The following NANOG variants were observed in gnomAD, a reference collection of about 807,000 sequenced individuals.
NANOG encodes the protein Nanog homeobox.
A neutral mutation model predicts 17.7 loss-of-function variants in NANOG; 2 were observed. The ratio of observed to expected loss-of-function variants is 0.11; its 90% confidence interval spans 0.05 to 0.36. The LOEUF is 0.36. Ranked by LOEUF, NANOG falls within the 10% of genes least tolerant of loss-of-function variation. NANOG has a pLI of 1.00. For synonymous variants in NANOG, 81 were observed against 124.7 expected, an observed-to-expected ratio of 0.65 and a Z score of 2.33; for missense variants, 174 against 362.1, an observed-to-expected ratio of 0.48 and a Z score of 4.22.
At chr12:7,793,756 C>T (rs541965548) in intron 2 of NANOG, among the ~76,000 whole-genome samples, 2 of 152,218 alleles carry the variant, frequency 1.3e-5, no homozygotes, top group East Asian at 3.9e-4. Context: ...GGCTGGAGTG[C>T]AGTGGCCTCA....
chr12:7,795,041 A>G lies in NANOG; in HGVS notation c.864A>G (p.Gln288=). 4 of 1,306,824 alleles carry G rather than the reference A, an allele frequency of 3.1e-6. No individual in the cohort carries two copies. The highest frequency in any genetic ancestry group is 4.4e-6 in the Non-Finnish European group (4 of 915,414). The allele number at this position is 1,306,824 out of a possible 1,614,324, so 81.0% of individuals were successfully genotyped here. The change falls in exon 4 of 4, where the codon CAA becomes CAG. Residue 288 remains glutamine, a synonymous_variant. Transcript: ENST00000229307. The stretch of plus-strand genomic sequence containing the variant: ...CCACTAGGTATTTTAGTACTCCACA[A>G]ACCATGGATTTATTCCTAAACTACT... ...QQTTRYFSTP[Q]TMDLFLNYSM... is the part of the protein sequence containing the mutation.
chr12:7,791,224 CT>C (rs756220813), intron 1 of NANOG, among the ~76,000 whole-genome samples: 166 of 151,456 alleles, frequency 1.1e-3, no homozygotes, highest in African/African-American at 3.8e-3. Flanking sequence ...TTTCTCCTGT[CT>C]CAGTCTCTCG....
rs915558913 is a variant in NANOG, at chr12:7,797,561, T to G, written c.*2466T>G. On this transcript the variant is annotated 3_prime_UTR_variant, in exon 4 of 4. Transcript: ENST00000229307. ...TAGTAGAGATGGGGTTTCACCGTAT[T>G]GACCAGGCTGGTCTCGAACTCCTGA... The G allele has an allele frequency of 2.6e-5, 4 of 152,166 alleles. No individual in the cohort carries two copies. The highest frequency in any genetic ancestry group is 5.9e-5 in the Non-Finnish European group (4 of 68,112). The allele number at this position is 152,166 out of a possible 1,614,324, so 9.4% of individuals were successfully genotyped here. A position where few individuals can be genotyped will look rare whatever the true frequency, so the allele number is the denominator to read the frequency against.
intron 1 of NANOG, among the ~76,000 whole-genome samples, chr12:7,791,961 C>T (rs902421313): frequency 1.8e-4 from 27 of 152,170 alleles, no homozygotes; most frequent in African/African-American, 4.1e-4. Context: ...CAGTGGCACT[C>T]TCGGCTTACT....
At chr12:7,794,126 T>G (rs10845891) in intron 2 of NANOG, among the ~76,000 whole-genome samples, 75,014 of 151,876 alleles carry the variant, frequency 0.49, 20,051 homozygotes, top group Non-Finnish European at 0.59. Flanking sequence ...GCAGCTGGAG[T>G]GCAGTGATGC....
chr12:7,792,492 C>A (rs1862854658), intron 1 of NANOG, among the ~76,000 whole-genome samples: 1 of 152,112 alleles, frequency 6.6e-6, no homozygotes, highest in South Asian at 2.1e-4. Context: ...TTGAGAAACC[C>A]TGTCTCTACT....
In NANOG at chr12:7,793,313, G is replaced by C. The variant is rs746481818; in HGVS notation, c.414+101G>C. ...ATGTAGATGTGTGTACTATGTGTCC[G>C]TACATCGCCTCTTGCAAATAATTTA... On this transcript the variant is annotated intron_variant, in intron 2 of 3. Transcript: ENST00000229307. 264 of 1,087,602 alleles carry C rather than the reference G, an allele frequency of 2.4e-4. 1 individual carries two copies. In the African/African-American group the frequency reaches 3.8e-3, roughly 16 times the overall value. 67.4% of individuals were successfully genotyped at this position (1,087,602 alleles called of 1,614,324 possible).
rs772287085 is a variant in NANOG, at chr12:7,793,261, T to A, written c.414+49T>A. On this transcript the variant is annotated intron_variant, in intron 2 of 3. Transcript: ENST00000229307. ...TAAGGTGAACAAAAATTGGACTAAT[T>A]TGCATGGCTAAGACCTCTGTGGATG... 4.4e-6 allele frequency: 7 copies of A among 1,589,712 alleles called. No individual in the cohort carries two copies. In the African/African-American group the frequency reaches 9.4e-5, roughly 21 times the overall value.
Position 7,790,822 on chromosome 12 carries a change from C to T in NANOG, c.151+1057C>T, listed in dbSNP as rs187972923. On this transcript the variant is annotated intron_variant, in intron 1 of 3. Transcript: ENST00000229307. ...GTGCAATGGTGTGATCATGGATCAC[C>T]GCAGCCTCAACCCTGAGATCAAGTG... 8.5e-5 allele frequency among the ~76,000 whole-genome samples: 13 copies of T among 152,182 alleles called. No homozygotes were observed. The East Asian group carries it at 9.7e-4, about 11-fold the overall frequency.
At position 7,789,438 on chromosome 12, in the gene NANOG, G is replaced by A. The variant is rs150329406; in HGVS notation, c.-177G>A. 8.8e-3 allele frequency: 5,369 copies of A among 610,590 alleles called. 156 individuals are homozygous for A. The highest frequency in any genetic ancestry group is 0.082 in the African/African-American group (4,443 of 54,020). The allele number at this position is 610,590 out of a possible 1,614,324, so 37.8% of individuals were successfully genotyped here. A position where few individuals can be genotyped will look rare whatever the true frequency, so the allele number is the denominator to read the frequency against. The stretch of plus-strand genomic sequence containing the variant: ...GACTCCAGGATTTTAACGTTCTGCT[G>A]GACTGAGCTGGTTGCCTCATGTTAT... On this transcript the variant is annotated 5_prime_UTR_variant, in exon 1 of 4. Transcript: ENST00000229307.
At chr12:7,790,840 A>G (rs1222035963) in intron 1 of NANOG, among the ~76,000 whole-genome samples, 1 of 152,108 alleles carries the variant, frequency 6.6e-6, no homozygotes, top group African/African-American at 2.4e-5. Flanking sequence ...CAACCCTGAG[A>G]TCAAGTGATC....
intron 2 of NANOG, 76 bp from the exon 3 acceptor site, chr12:7,794,381 A>C (rs1021030603): frequency 7.4e-7 from 1 of 1,349,516 alleles, no homozygotes; most frequent in Non-Finnish European, 1.0e-6. Flanking sequence ...CCAGGAATAA[A>C]AGTTAGCAAT....
chr12:7,792,800 A>C (rs1862859963), intron 1 of NANOG, 150 bp from the exon 2 acceptor site: 3 of 760,036 alleles, frequency 3.9e-6, no homozygotes, highest in Admixed American at 2.8e-5. Flanking sequence ...AAGCTTGCCA[A>C]AGTGCCAGGG....
In NANOG at chr12:7,794,797, G is replaced by A; in HGVS notation, c.620G>A (p.Ser207Asn). The change falls in exon 4 of 4, where the codon AGC (serine) becomes AAC (asparagine). Residue 207 changes from serine (S) to asparagine (N), a missense_variant. Ser to Asn is a conservative substitution (Grantham distance 46). Transcript: ENST00000229307. ...CAGACCTGGAACAATTCAACCTGGA[G>A]CAACCAGACCCAGAACATCCAGTCC... is the stretch of plus-strand genomic sequence containing the variant. Reference protein sequence around the residue: ...SNQTWNNSTWSNQTQNIQSWS... With the variant: ...SNQTWNNSTWNNQTQNIQSWS... 1.3e-6 allele frequency: 2 copies of A among 1,554,656 alleles called. No homozygotes were observed. Among genetic ancestry groups the A allele is most frequent in the Non-Finnish European group, 8.7e-7 (1 of 1,144,402 alleles).
At position 7,795,676 on chromosome 12, in the gene NANOG, T is replaced by C. The variant is rs973373387; in HGVS notation, c.*581T>C. ...CCGTCTCTGGCTATAGATAAGTAGA[T>C]CTAATACTAGTTTGGATATCTTTAG... On this transcript the variant is annotated 3_prime_UTR_variant, in exon 4 of 4. Coordinates refer to ENST00000229307, the MANE Select transcript of NANOG (RefSeq NM_024865.4). 2 of 142,936 alleles carry C rather than the reference T, an allele frequency of 1.4e-5. No individual in the cohort carries two copies. Among genetic ancestry groups the C allele is most frequent in the Non-Finnish European group, 3.1e-5 (2 of 65,526 alleles). The allele number at this position is 142,936 out of a possible 1,614,324, so 8.9% of individuals were successfully genotyped here.
intron 2 of NANOG, 100 bp downstream of exon 2, chr12:7,793,312 C>A: frequency 2.8e-6 from 3 of 1,085,412 alleles, no homozygotes; most frequent in Non-Finnish European, 4.0e-6. Flanking sequence ...ACTATGTGTC[C>A]GTACATCGCC....
At position 7,789,665 on chromosome 12, in the gene NANOG, C is replaced by T. The variant is rs377465904; in HGVS notation, c.51C>T (p.Ser17=). The T allele has an allele frequency of 3.5e-5, 56 of 1,614,036 alleles. No homozygotes were observed. The highest frequency in any genetic ancestry group is 1.6e-4 in the Middle Eastern group (1 of 6,066). The change falls in exon 1 of 4, where the codon TCC becomes TCT. Residue 17 remains serine (S), a synonymous_variant. Coordinates refer to ENST00000229307, the MANE Select transcript of NANOG (RefSeq NM_024865.4). ...AAAGCTTGCCTTGCTTTGAAGCATC[C>T]GACTGTAAAGAATCTTCACCTATGC... is the stretch of plus-strand genomic sequence containing the variant. ...CPQSLPCFEA[S]DCKESSPMPV... is the part of the protein sequence containing the mutation.
At chr12:7,791,235 G>C (rs542412717) in intron 1 of NANOG, among the ~76,000 whole-genome samples, 1 of 151,162 alleles carries the variant, frequency 6.6e-6, no homozygotes, top group Non-Finnish European at 1.5e-5. Context: ...TCAGTCTCTC[G>C]AGTAGCAGGT....
rs1358746425 is a variant in NANOG at position 7,795,874 on chromosome 12, A to G, written c.*779A>G. On this transcript the variant is annotated 3_prime_UTR_variant, in exon 4 of 4. Coordinates refer to ENST00000229307, the MANE Select transcript of NANOG (RefSeq NM_024865.4). Reference sequence around the variant, plus strand: ...TTACCGTTTTTGGCTCTGTTTTGCTATATCCCCTAATTTGTTGGTTGTGCT... The same window carrying G: ...TTACCGTTTTTGGCTCTGTTTTGCTGTATCCCCTAATTTGTTGGTTGTGCT... The G allele has an allele frequency of 2.7e-5, 4 of 147,264 alleles. No individual in the cohort carries two copies. The highest frequency in any genetic ancestry group is 9.9e-5 in the African/African-American group (4 of 40,350). 9.1% of individuals were successfully genotyped at this position (147,264 alleles called of 1,614,324 possible).
Sources: allele counts gnomAD v4.1 joint callset (sites outside exome capture counted in the v4.1 genomes callset), GRCh38; gene constraint gnomAD v4.1.1; transcripts MANE v1.5; gene names NCBI Gene and HGNC (gene_info 2026-07-23, HGNC 2026-07-21).